Variants in GMDS observed in about 807,000 individuals in gnomAD.
GMDS encodes the protein GDP-mannose 4,6 dehydratase.
In GMDS, 20 loss-of-function variants were observed where a neutral mutation model predicts 49.9. That is an observed-to-expected ratio of 0.40 (90% CI 0.28 to 0.58). GMDS has a LOEUF of 0.58. GMDS is among the 20% of genes least tolerant of loss of function. GMDS has a pLI of 0.42. For synonymous variants in GMDS, 177 were observed against 178.6 expected, an observed-to-expected ratio of 0.99 and a Z score of 0.07; for missense variants, 362 against 481.4, an observed-to-expected ratio of 0.75 and a Z score of 2.32.
At chr6:1,889,779 G>C (rs945768812) in intron 7 of GMDS, among the ~76,000 whole-genome samples, 3 of 152,072 alleles carry the variant, frequency 2.0e-5, no homozygotes, top group African/African-American at 4.8e-5. Context: ...CCCATTTCTG[G>C]TACCTAGCCC....
At chr6:1,930,525 G>C (rs1382484321) in intron 6 of GMDS, 1 of 249,846 alleles carries the variant, frequency 4.0e-6, no homozygotes, top group Non-Finnish European at 7.6e-6. Flanking sequence ...CAGGCATTAG[G>C]CCAAAGAAAA....
chr6:1,651,740 G>A (rs1371270179), intron 9 of GMDS, among the ~76,000 whole-genome samples: 1 of 152,186 alleles, frequency 6.6e-6, no homozygotes, highest in Non-Finnish European at 1.5e-5. Flanking sequence ...TCCTTAGATA[G>A]ACCCATGAGC....
intron 7 of GMDS, among the ~76,000 whole-genome samples, chr6:1,743,000 C>T (rs1350121996): frequency 6.6e-6 from 1 of 152,094 alleles, no homozygotes; most frequent in Non-Finnish European, 1.5e-5. Flanking sequence ...TTCTTCATAT[C>T]ATAGATAGTA....
chr6:1,905,659 GGTGCTGGCGTGT>G (rs1760729840), intron 7 of GMDS, among the ~76,000 whole-genome samples: 1 of 86,904 alleles, frequency 1.2e-5, no homozygotes, highest in Admixed American at 9.9e-5. Flanking sequence ...CATAGCTGTG[GGTGCTGGCGTGT>G]AGGTGGGGCC....
At chr6:1,936,812 C>A (rs1193941475) in intron 6 of GMDS, among the ~76,000 whole-genome samples, 3 of 151,882 alleles carry the variant, frequency 2.0e-5, no homozygotes, top group Non-Finnish European at 4.4e-5. Flanking sequence ...ACTAAAAATA[C>A]AAAAATTAGC....
At chr6:1,858,307 T>C (rs1163983050) in intron 7 of GMDS, among the ~76,000 whole-genome samples, 1 of 152,238 alleles carries the variant, frequency 6.6e-6, no homozygotes, top group South Asian at 2.1e-4. Flanking sequence ...ACAATCGCTA[T>C]TTTTAATGTT....
chr6:1,733,218 C>G (rs1439131142), intron 8 of GMDS, among the ~76,000 whole-genome samples: 1 of 152,216 alleles, frequency 6.6e-6, no homozygotes, highest in East Asian at 1.9e-4. Context: ...AGCAGGCAAC[C>G]CTGGGAAGAG....
At chr6:1,947,987 A>G (rs978207367) in intron 6 of GMDS, among the ~76,000 whole-genome samples, 1 of 152,176 alleles carries the variant, frequency 6.6e-6, no homozygotes, top group Non-Finnish European at 1.5e-5. Context: ...AACTGAGCTT[A>G]CTTCTCTAGG....
At chr6:1,630,302 G>A (rs1762960060) in intron 9 of GMDS, among the ~76,000 whole-genome samples, 2 of 152,234 alleles carry the variant, frequency 1.3e-5, no homozygotes, top group South Asian at 2.1e-4. Context: ...TTTCCTCCAT[G>A]GGACGAACCG....
intron 6 of GMDS, among the ~76,000 whole-genome samples, chr6:1,938,168 A>G (rs1762640743): frequency 6.6e-6 from 1 of 152,166 alleles, no homozygotes; most frequent in Admixed American, 6.5e-5. Flanking sequence ...AGAGGTGATA[A>G]AGTAAGTTTC....
intron 4 of GMDS, among the ~76,000 whole-genome samples, chr6:2,026,136 G>C (rs1221304107): frequency 6.6e-6 from 1 of 152,092 alleles, no homozygotes; most frequent in Non-Finnish European, 1.5e-5. Flanking sequence ...ACCAAAAACG[G>C]TGCTCAAAAG....
rs1218090579 is a variant in GMDS at position 2,008,864 on chromosome 6, TC to T, written c.346-47899del. ...TGCCCTAGCAGGTACGTAACATACC[TC>T]ATTTTTTGGTTTTGTGTTTAAGTTT... On this transcript the variant is annotated intron_variant, in intron 4 of 10. Transcript: ENST00000380815. 3.3e-5 allele frequency among the ~76,000 whole-genome samples: 5 copies of T among 152,180 alleles called. No individual in the cohort carries two copies. In the East Asian group the frequency reaches 9.6e-4, roughly 29 times the overall value.
At chr6:2,171,610 T>C (rs938606999) in intron 1 of GMDS, among the ~76,000 whole-genome samples, 3 of 151,938 alleles carry the variant, frequency 2.0e-5, no homozygotes, top group Admixed American at 1.3e-4. Flanking sequence ...AAAGAGAAAA[T>C]AAAACTAACA....
intron 7 of GMDS, among the ~76,000 whole-genome samples, chr6:1,842,595 T>C (rs1253087589): frequency 6.6e-6 from 1 of 152,238 alleles, no homozygotes; most frequent in Non-Finnish European, 1.5e-5. Flanking sequence ...GCCTGGGTCC[T>C]AGATGACTCT....
chr6:1,827,322 C>T (rs977074388), intron 7 of GMDS, among the ~76,000 whole-genome samples: 14 of 150,666 alleles, frequency 9.3e-5, no homozygotes, highest in African/African-American at 2.4e-4. Flanking sequence ...TATATACACA[C>T]GTTTTAGAAA....
chr6:1,728,758 T>C (rs557473727), intron 8 of GMDS, among the ~76,000 whole-genome samples: 2 of 152,212 alleles, frequency 1.3e-5, no homozygotes, highest in Non-Finnish European at 2.9e-5. Flanking sequence ...AAACTGTTTC[T>C]GTGAAGAGCC....
At chr6:2,159,502 ATTTCTTTT>A (rs1196244728) in intron 1 of GMDS, among the ~76,000 whole-genome samples, 97 of 128,072 alleles carry the variant, frequency 7.6e-4, no homozygotes, top group Non-Finnish European at 9.5e-4. Context: ...TTTTTTCAAT[ATTTCTTTT>A]TTTCTTTTTT....
At chr6:2,062,532 G>GA (rs1005818530) in intron 4 of GMDS, among the ~76,000 whole-genome samples, 16 of 150,262 alleles carry the variant, frequency 1.1e-4, no homozygotes, top group Non-Finnish European at 1.6e-4. Flanking sequence ...AATAAAATTA[G>GA]AAAAAAAAAT....
intron 9 of GMDS, among the ~76,000 whole-genome samples, chr6:1,692,381 G>T (rs1213816597): frequency 6.6e-6 from 1 of 152,122 alleles, no homozygotes; most frequent in African/African-American, 2.4e-5. Flanking sequence ...TATTAGTTCT[G>T]TCCCTCTAGA....
Sources: gnomAD v4.1 joint callset for allele counts (sites outside exome capture counted in the v4.1 genomes callset) on GRCh38, gnomAD v4.1.1 for gene constraint, MANE v1.5 for transcripts, NCBI Gene and HGNC (gene_info 2026-07-23, HGNC 2026-07-21) for gene names.